Variants in STX8 observed in about 807,000 individuals in gnomAD.
STX8 encodes syntaxin 8.
STX8 carries 23 observed loss-of-function variants against 37.5 expected under a neutral mutation model. The ratio of observed to expected loss-of-function variants is 0.61; its 90% CI spans 0.44 to 0.87. STX8 has a LOEUF of 0.87. Ranked by LOEUF, STX8 falls within the 40% of genes least tolerant of loss-of-function variation. The pLI is 0.00. For missense variants in STX8, 313 were observed against 284.7 expected, an observed-to-expected ratio of 1.10 and a Z score of -0.71; for synonymous variants, 115 against 99.1, an observed-to-expected ratio of 1.16 and a Z score of -0.95.
At chr17:9,501,519 CA>C (rs1904608236) in intron 5 of STX8, among the ~76,000 whole-genome samples, 1 of 151,762 alleles carries the variant, frequency 6.6e-6, no homozygotes, top group African/African-American at 2.4e-5. Flanking sequence ...GGAGAAACCC[CA>C]TCTCTACTAA....
intron 6 of STX8, among the ~76,000 whole-genome samples, chr17:9,461,002 A>G (rs1168021827): frequency 1.3e-5 from 2 of 151,424 alleles, no homozygotes; most frequent in African/African-American, 4.9e-5. Flanking sequence ...GTGAGTCTCA[A>G]CAGCCTAGGA....
intron 7 of STX8, among the ~76,000 whole-genome samples, chr17:9,328,069 CTTTCT>C (rs1362836159): frequency 3.3e-5 from 5 of 150,200 alleles, no homozygotes; most frequent in African/African-American, 7.4e-5. Flanking sequence ...CTCTCTCTTT[CTTTCT>C]TTTCTTTTCT....
intron 7 of STX8, among the ~76,000 whole-genome samples, chr17:9,309,934 T>C (rs988085349): frequency 3.3e-5 from 5 of 152,376 alleles, no homozygotes; most frequent in African/African-American, 1.2e-4. Context: ...AAATCTATTA[T>C]GACAAAATAT....
At chr17:9,526,187 G>C (rs1052936822) in intron 4 of STX8, among the ~76,000 whole-genome samples, 9 of 152,116 alleles carry the variant, frequency 5.9e-5, no homozygotes, top group Non-Finnish European at 1.0e-4. Flanking sequence ...AAAGCCCAAG[G>C]GACAAAACCC....
chr17:9,276,295 G>A (rs982969891), intron 7 of STX8, among the ~76,000 whole-genome samples: 3 of 152,146 alleles, frequency 2.0e-5, no homozygotes, highest in African/African-American at 7.2e-5. Flanking sequence ...GGTTCCTAAC[G>A]AAGGGAACAT....
At chr17:9,420,678 A>G (rs1312978673) in intron 6 of STX8, among the ~76,000 whole-genome samples, 1 of 152,114 alleles carries the variant, frequency 6.6e-6, no homozygotes, top group Non-Finnish European at 1.5e-5. Flanking sequence ...CACAACTTGA[A>G]TCCTCATACA....
chr17:9,341,182 C>G (rs751217743), intron 7 of STX8, among the ~76,000 whole-genome samples: 1 of 151,822 alleles, frequency 6.6e-6, no homozygotes, highest in African/African-American at 2.4e-5. Flanking sequence ...GAAGAGACTG[C>G]GATATTGGGC....
At chr17:9,253,980 T>A (rs1356930304) in intron 7 of STX8, among the ~76,000 whole-genome samples, 2 of 152,152 alleles carry the variant, frequency 1.3e-5, no homozygotes, top group African/African-American at 4.8e-5. Context: ...CTGATTTGGC[T>A]CCCTGCAGTG....
chr17:9,426,577 C>G (rs1913638180), intron 6 of STX8, among the ~76,000 whole-genome samples: 1 of 151,968 alleles, frequency 6.6e-6, no homozygotes, highest in Non-Finnish European at 1.5e-5. Context: ...CTGGGCAACA[C>G]AGTGAGACCT....
In STX8 at chr17:9,463,908, CA is replaced by C. The variant is rs11369850; in HGVS notation, c.541+27920del. Among the ~76,000 whole-genome samples, 206 of 135,282 alleles carry C rather than the reference CA, an allele frequency of 1.5e-3. 1 individual carries two copies. The highest frequency in any genetic ancestry group is 3.8e-3 in the Middle Eastern group (1 of 262). 88.8% of individuals were successfully genotyped at this position (135,282 alleles called of 152,430 possible). On this transcript the variant is annotated intron_variant, in intron 6 of 7. Coordinates refer to ENST00000306357, the MANE Select transcript of STX8 (RefSeq NM_004853.3). ...GGGCAACAAGAGTGAAACTCCATCT[CA>C]AAAAAAAAAAAAAAATTTAGCTGGG... is the stretch of plus-strand genomic sequence containing the variant.
chr17:9,365,988 C>T (rs1911218229), intron 7 of STX8, among the ~76,000 whole-genome samples: 1 of 151,810 alleles, frequency 6.6e-6, no homozygotes, highest in African/African-American at 2.4e-5. Context: ...AAAACAAAAA[C>T]AAAAAGAGAG....
intron 7 of STX8, among the ~76,000 whole-genome samples, chr17:9,315,929 G>A (rs949536207): frequency 6.6e-6 from 1 of 151,774 alleles, no homozygotes; most frequent in Non-Finnish European, 1.5e-5. Flanking sequence ...CAGGAGAAAG[G>A]CTTGAACCCG....
At chr17:9,538,287 T>C (rs1176643003) in intron 4 of STX8, among the ~76,000 whole-genome samples, 3 of 152,320 alleles carry the variant, frequency 2.0e-5, no homozygotes, top group Non-Finnish European at 4.4e-5. Context: ...TGGATGTATA[T>C]TCCTTAGCAA....
At chr17:9,473,993 G>A (rs947022348) in intron 6 of STX8, among the ~76,000 whole-genome samples, 2 of 152,206 alleles carry the variant, frequency 1.3e-5, no homozygotes, top group African/African-American at 2.4e-5. Context: ...CCAGGGAGGG[G>A]AGGGAGGCTG....
intron 7 of STX8, among the ~76,000 whole-genome samples, chr17:9,264,260 T>G (rs1221124051): frequency 1.3e-5 from 2 of 152,154 alleles, no homozygotes; most frequent in East Asian, 3.8e-4. Context: ...CCCACAGAAT[T>G]GTGAAGTGTA....
intron 2 of STX8, among the ~76,000 whole-genome samples, chr17:9,560,723 A>T (rs1767650918): frequency 6.7e-6 from 1 of 149,072 alleles, no homozygotes; most frequent in South Asian, 2.1e-4. Flanking sequence ...AGAAGAGGTG[A>T]TAATTAAGGC....
chr17:9,505,306 G>C, intron 4 of STX8, 144 bp from the exon 5 acceptor site: 1 of 915,440 alleles, frequency 1.1e-6, no homozygotes, highest in Non-Finnish European at 1.6e-6. Context: ...GTTTATGCCA[G>C]GAACTGTATT....
intron 4 of STX8, among the ~76,000 whole-genome samples, chr17:9,517,707 A>C (rs1905193789): frequency 1.3e-5 from 2 of 148,878 alleles, no homozygotes; most frequent in African/African-American, 5.0e-5. Context: ...TAATCCCAGC[A>C]CTTTGGAAGG....
intron 4 of STX8, among the ~76,000 whole-genome samples, chr17:9,533,392 C>T (rs763557251): frequency 2.0e-5 from 3 of 152,070 alleles, no homozygotes; most frequent in African/African-American, 7.2e-5. Flanking sequence ...ACTGGAACCT[C>T]GGAGGCAGAG....
Sources: allele counts gnomAD v4.1 joint callset (sites outside exome capture counted in the v4.1 genomes callset), GRCh38; gene constraint gnomAD v4.1.1; transcripts MANE v1.5; gene names NCBI Gene and HGNC (gene_info 2026-07-23, HGNC 2026-07-21).